FAM168A: variants seen among roughly 807,000 people sequenced by gnomAD.
FAM168A encodes protein FAM168A.
A neutral mutation model predicts 28.5 loss-of-function variants in FAM168A; 3 were observed. The ratio of observed to expected loss-of-function variants is 0.11; its 90% CI spans 0.05 to 0.27. FAM168A has a LOEUF of 0.27. Ranked by LOEUF, FAM168A falls within the 10% of genes least tolerant of loss-of-function variation. The pLI, the probability that FAM168A is intolerant of heterozygous loss-of-function variation, is 1.00. For missense variants in FAM168A, 222 were observed against 311.5 expected (o/e 0.71, Z 2.16); for synonymous variants, 122 against 124.2 (o/e 0.98, Z 0.12).
chr11:73,418,186 T>A (rs1226695031), intron 4 of FAM168A, among the ~76,000 whole-genome samples: 1 of 152,246 alleles, frequency 6.6e-6, no homozygotes, highest in Admixed American at 6.5e-5. Flanking sequence ...ATGGTTTAGA[T>A]GTTTGTTTCC....
At chr11:73,418,833 G>A (rs1202046988) in intron 4 of FAM168A, among the ~76,000 whole-genome samples, 1 of 149,684 alleles carries the variant, frequency 6.7e-6, no homozygotes, top group Non-Finnish European at 1.5e-5. Flanking sequence ...TTTTGAGACG[G>A]AGTCTTGTTC....
At chr11:73,544,748 A>T (rs1231246775) in intron 1 of FAM168A, among the ~76,000 whole-genome samples, 1 of 115,378 alleles carries the variant, frequency 8.7e-6, no homozygotes, top group African/African-American at 3.5e-5. Context: ...ATAATTATAT[A>T]TTTTATATGT....
intron 1 of FAM168A, among the ~76,000 whole-genome samples, chr11:73,561,368 A>G (rs1468587221): frequency 6.6e-6 from 1 of 151,954 alleles, no homozygotes; most frequent in Non-Finnish European, 1.5e-5. Context: ...CAAAAGTGAA[A>G]CTCCATCTCA....
rs180790118 is a variant in FAM168A at position 73,433,706 on chromosome 11, T to C, written c.71-2936A>G. Among the ~76,000 whole-genome samples the C allele has an allele frequency of 3.6e-3, 554 of 152,300 alleles. 2 individuals carry two copies. The highest frequency in any genetic ancestry group is 0.012 in the African/African-American group (518 of 41,570). On this transcript the variant is annotated intron_variant, in intron 2 of 7. Transcript: ENST00000356467. ...CGTATGTAGATACATCATTTAACCA[T>C]TGCCTGTTTTAGTTGTTTGAAAATT...
At position 73,441,512 on chromosome 11, in the gene FAM168A, T is replaced by A. The variant is rs370918839; in HGVS notation, c.71-10742A>T. Among the ~76,000 whole-genome samples, 58 of 152,360 alleles carry A rather than the reference T, an allele frequency of 3.8e-4. No individual in the cohort carries two copies. In the South Asian group the frequency reaches 0.012, roughly 32 times the overall value. ...GTGATGTCTTTGCCTGGTTTTGGTA[T>A]CAAGGTAATGTTGGCCTCATAGAAC... On this transcript the variant is annotated intron_variant, in intron 2 of 7. Coordinates refer to ENST00000356467, the MANE Select transcript of FAM168A (RefSeq NM_015159.3).
At chr11:73,431,404 T>A (rs1233976997) in intron 2 of FAM168A, among the ~76,000 whole-genome samples, 1 of 151,358 alleles carries the variant, frequency 6.6e-6, no homozygotes, top group Non-Finnish European at 1.5e-5. Flanking sequence ...ACTTTTTATG[T>A]TCAAGTTTAC....
intron 1 of FAM168A, among the ~76,000 whole-genome samples, chr11:73,488,748 C>A (rs1868088609): frequency 6.6e-6 from 1 of 152,160 alleles, no homozygotes; most frequent in African/African-American, 2.4e-5. Context: ...TTTCACCCCT[C>A]TTTCTTGAGC....
intron 1 of FAM168A, among the ~76,000 whole-genome samples, chr11:73,532,645 G>A (rs1037307495): frequency 6.6e-6 from 1 of 152,206 alleles, no homozygotes; most frequent in African/African-American, 2.4e-5. Context: ...TTGGAAAATA[G>A]ACTGAGAATT....
At chr11:73,432,621 T>C (rs1329702665) in intron 2 of FAM168A, among the ~76,000 whole-genome samples, 1 of 152,058 alleles carries the variant, frequency 6.6e-6, no homozygotes, top group African/African-American at 2.4e-5. Context: ...CATTTAAAAA[T>C]ACAATTATTT....
chr11:73,528,044 G>C (rs933797042), intron 1 of FAM168A, among the ~76,000 whole-genome samples: 1 of 152,186 alleles, frequency 6.6e-6, no homozygotes, highest in Admixed American at 6.5e-5. Context: ...ATGTCAGCCA[G>C]TCTCTGTAGC....
chr11:73,438,017 T>C (rs1867122347), intron 2 of FAM168A, among the ~76,000 whole-genome samples: 2 of 152,078 alleles, frequency 1.3e-5, no homozygotes, highest in African/African-American at 4.8e-5. Context: ...TTTTCCCCAA[T>C]TAAAAAAAGA....
At chr11:73,433,465 A>C (rs1867033329) in intron 2 of FAM168A, among the ~76,000 whole-genome samples, 1 of 152,010 alleles carries the variant, frequency 6.6e-6, no homozygotes, top group Admixed American at 6.6e-5. Context: ...GCCAAATCCA[A>C]GGTCATGAAG....
intron 1 of FAM168A, among the ~76,000 whole-genome samples, chr11:73,596,376 T>C (rs117840456): frequency 0.034 from 5,188 of 152,260 alleles, 107 homozygotes; most frequent in Middle Eastern, 0.061. Flanking sequence ...AGTTTGGAAG[T>C]ATGCTTTTTT....
intron 1 of FAM168A, among the ~76,000 whole-genome samples, chr11:73,488,540 C>T (rs74494145): frequency 0.056 from 8,556 of 152,210 alleles, 840 homozygotes; most frequent in African/African-American, 0.2. Flanking sequence ...AGTGATTTTG[C>T]TTATTTGTCT....
Position 73,419,919 on chromosome 11 carries a change from T to C in FAM168A, c.232A>G (p.Thr78Ala). ...TGGTAAGTTCGGTTCTCGGTCCCGG[T>C]GTCCACTGGGAGGTGGAAGGTGCCT... ...TEGTFHLPVD[T>A]GTENRTYQAS... Residue 78 changes from threonine (T) to alanine (A), a missense_variant, in exon 4 of 8, where the codon ACC (threonine) becomes GCC (alanine). By Grantham distance (58) the Thr-to-Ala change is moderately conservative. Around this residue, in one of 3 missense-constraint regions of FAM168A, gnomAD observed 153 missense variants for 189.2 expected, o/e 0.81. Coordinates refer to ENST00000356467, the MANE Select transcript of FAM168A (RefSeq NM_015159.3). The C allele has an allele frequency of 6.2e-6, 10 of 1,614,110 alleles. No individual in the cohort carries two copies. Among genetic ancestry groups the C allele is most frequent in the Non-Finnish European group, 8.5e-6 (10 of 1,179,984 alleles).
intron 2 of FAM168A, among the ~76,000 whole-genome samples, chr11:73,440,035 G>A (rs1867165924): frequency 6.6e-6 from 1 of 151,984 alleles, no homozygotes; most frequent in Non-Finnish European, 1.5e-5. Flanking sequence ...ACAGGCGCCT[G>A]CCACCGCGCC....
intron 1 of FAM168A, among the ~76,000 whole-genome samples, chr11:73,543,997 T>C (rs969431107): frequency 1.3e-5 from 2 of 152,150 alleles, no homozygotes; most frequent in African/African-American, 4.8e-5. Context: ...CTGGGTATGG[T>C]GGCACATGCC....
At chr11:73,424,110 T>C (rs1347679557) in intron 3 of FAM168A, among the ~76,000 whole-genome samples, 1 of 152,168 alleles carries the variant, frequency 6.6e-6, no homozygotes, top group Non-Finnish European at 1.5e-5. Context: ...TCATGTGAAA[T>C]TAAACAATTT....
At chr11:73,534,071 C>T (rs1943547172) in intron 1 of FAM168A, among the ~76,000 whole-genome samples, 1 of 152,162 alleles carries the variant, frequency 6.6e-6, no homozygotes, top group Admixed American at 6.5e-5. Flanking sequence ...ATTTCTTCAC[C>T]TGTCAAACAG....
Sources: gnomAD v4.1 joint callset for allele counts (sites outside exome capture counted in the v4.1 genomes callset) on GRCh38, gnomAD v4.1.1 for gene constraint, gnomAD v4.1.1 regional missense constraint, MANE v1.5 for transcripts, NCBI Gene and HGNC (gene_info 2026-07-23, HGNC 2026-07-21) for gene names.